The following NAT10 variants were observed in gnomAD, a reference collection of about 807,000 sequenced individuals.
NAT10 encodes N-acetyltransferase 10.
A neutral mutation model predicts 132.2 loss-of-function variants in NAT10; 109 were observed. The ratio of observed to expected loss-of-function variants is 0.82; its 90% CI spans 0.71 to 0.97. The LOEUF (loss-of-function observed/expected upper bound fraction) is 0.97. Among genes scored for constraint, NAT10 ranks in the 50% least tolerant of loss-of-function variants. The pLI, the probability that NAT10 is intolerant of heterozygous loss-of-function variation, is 0.00. For synonymous variants in NAT10, 479 were observed against 478.0 expected (o/e 1.00, Z -0.03); for missense variants, 1,184 against 1,263.4 (o/e 0.94, Z 0.95).
At chr11:34,145,371 T>C (rs1852420937) in intron 28 of NAT10, among the ~76,000 whole-genome samples, 1 of 152,214 alleles carries the variant, frequency 6.6e-6, no homozygotes, top group African/African-American at 2.4e-5. Flanking sequence ...TTTTCTTCCT[T>C]TGAGAGGTAC....
intron 15 of NAT10, among the ~76,000 whole-genome samples, chr11:34,132,784 T>G (rs2982618): frequency 1 from 152,306 of 152,312 alleles, 76,150 homozygotes; most frequent in Non-Finnish European, 1. Flanking sequence ...ATTCTCTTCT[T>G]CTGTCCAGCC....
chr11:34,141,408 TCACACA>T (rs59489457), intron 25 of NAT10, among the ~76,000 whole-genome samples, 200 bp downstream of exon 25: 28,666 of 132,734 alleles, frequency 0.22, 3,341 homozygotes, highest in Middle Eastern at 0.32. Context: ...TCATCACACA[TCACACA>T]CACACACACA....
At chr11:34,117,159 C>G (rs888114223) in intron 6 of NAT10, among the ~76,000 whole-genome samples, 1 of 151,328 alleles carries the variant, frequency 6.6e-6, no homozygotes, top group African/African-American at 2.4e-5. Flanking sequence ...AAAAGTCTTG[C>G]AGCAGCAGGG....
In NAT10 at chr11:34,142,357, T is replaced by C; in HGVS notation, c.2885+9T>C. The C allele has an allele frequency of 6.2e-7, 1 of 1,613,582 alleles. No individual in the cohort carries two copies. Among genetic ancestry groups the C allele is most frequent in the Non-Finnish European group, 8.5e-7 (1 of 1,179,562 alleles). On this transcript the variant is annotated intron_variant, in intron 27 of 28. Transcript: ENST00000257829. ...AGCATGGACCTCTCTGAGTAAGGCT[T>C]GTGGGAAGCAGAGGGTTTGCCTTGG...
Position 34,136,770 on chromosome 11 carries a change from C to T in NAT10, c.2157C>T (p.Leu719=), listed in dbSNP as rs567861406. The part of the protein sequence containing the change: ...LGVSYGLTPR[L]LKFWKRAGFV... ...TTTCCTATGGCTTGACCCCCAGGCT[C>T]CTCAAGTAAGTGCCTGCCCTCCTTC... Residue 719 remains leucine (L), a synonymous_variant, in exon 20 of 29, where the codon CTC becomes CTT. Coordinates refer to ENST00000257829, the MANE Select transcript of NAT10 (RefSeq NM_024662.3). 1.8e-5 allele frequency: 29 copies of T among 1,614,168 alleles called. No individual in the cohort carries two copies. In the East Asian group the frequency reaches 6.0e-4, roughly 33 times the overall value.
intron 21 of NAT10, 60 bp from the exon 22 acceptor site, chr11:34,139,131 A>G (rs769300054): frequency 4.2e-5 from 60 of 1,443,312 alleles, no homozygotes; most frequent in Admixed American, 2.2e-4. Flanking sequence ...CCCTTCATCA[A>G]TGATGGGTTA....
chr11:34,146,205 C>CG lies in NAT10; in HGVS notation c.*16dup, dbSNP rs1465333047. ...GCGGAAGAAATAGTGAAGAGAAACT[C>CG]GGGCATCTGTGTTTGATCATGGGAA... On this transcript the variant is annotated 3_prime_UTR_variant, in exon 29 of 29. Coordinates refer to ENST00000257829, the MANE Select transcript of NAT10 (RefSeq NM_024662.3). 6.4e-7 allele frequency: 1 copy of CG among 1,555,968 alleles called. No homozygotes were observed. Among genetic ancestry groups the CG allele is most frequent in the African/African-American group, 1.4e-5 (1 of 73,230 alleles).
At chr11:34,115,146 A>G (rs1259652725) in intron 5 of NAT10, among the ~76,000 whole-genome samples, 3 of 152,294 alleles carry the variant, frequency 2.0e-5, no homozygotes, top group Middle Eastern at 3.4e-3. Context: ...ACAGAGCAAG[A>G]CTCCGTCTCA....
intron 4 of NAT10, among the ~76,000 whole-genome samples, chr11:34,112,482 T>C (rs979554860): frequency 6.6e-6 from 1 of 152,274 alleles, no homozygotes; most frequent in African/African-American, 2.4e-5. Context: ...GGGTTCTAAC[T>C]AGCTAAAGCT....
intron 25 of NAT10, among the ~76,000 whole-genome samples, chr11:34,141,414 A>T (rs780163388): frequency 0.2 from 19,464 of 97,744 alleles, 1,475 homozygotes; most frequent in Non-Finnish European, 0.28. Flanking sequence ...CACATCACAC[A>T]CACACACACA....
chr11:34,134,952 G>T (rs1242889245), intron 18 of NAT10, among the ~76,000 whole-genome samples: 1 of 152,196 alleles, frequency 6.6e-6, no homozygotes, highest in South Asian at 2.1e-4. Context: ...CCCTCAAGTG[G>T]CTGTTCTTGA....
intron 6 of NAT10, among the ~76,000 whole-genome samples, 181 bp downstream of exon 6, chr11:34,116,065 A>G (rs944038692): frequency 6.6e-6 from 1 of 152,200 alleles, no homozygotes; most frequent in Non-Finnish European, 1.5e-5. Context: ...ACGTGGTGGA[A>G]AGTTGGAGCC....
Position 34,133,041 on chromosome 11 carries a change from C to T in NAT10, c.1633C>T (p.Leu545Phe). The T allele has an allele frequency of 6.2e-7, 1 of 1,614,062 alleles. No individual in the cohort carries two copies. The highest frequency in any genetic ancestry group is 1.3e-5 in the African/African-American group (1 of 75,050). The change falls in exon 16 of 29, where the codon CTC (leucine) becomes TTC (phenylalanine). Residue 545 changes from leucine (L) to phenylalanine (F), a missense_variant. Coordinates refer to ENST00000257829, the MANE Select transcript of NAT10 (RefSeq NM_024662.3). ...ASHYKNSPND[L>F]QMLSDAPAHH... ...GCTTCCACAGAACTCTCCCAATGAT[C>T]TCCAGATGCTCTCCGATGCACCTGC...
intron 12 of NAT10, 77 bp downstream of exon 12, chr11:34,127,676 T>A: frequency 6.6e-7 from 1 of 1,521,286 alleles, no homozygotes; most frequent in African/African-American, 1.4e-5. Context: ...GGATGTGGCC[T>A]GGGCCTGGAC....
intron 20 of NAT10, 48 bp downstream of exon 20, chr11:34,136,823 A>AC (rs1391107545): frequency 1.9e-6 from 3 of 1,613,622 alleles, no homozygotes; most frequent in East Asian, 4.5e-5. Flanking sequence ...GCATTGAGAA[A>AC]GAAGAGTTCT....
intron 12 of NAT10, among the ~76,000 whole-genome samples, chr11:34,130,198 A>G (rs1406218491): frequency 2.6e-5 from 4 of 152,216 alleles, no homozygotes; most frequent in East Asian, 3.8e-4. Flanking sequence ...AAACTCAACA[A>G]TGAAAGCTGA....
chr11:34,134,861 C>T, intron 18 of NAT10, among the ~76,000 whole-genome samples: 1 of 152,208 alleles, frequency 6.6e-6, no homozygotes, highest in East Asian at 1.9e-4. Context: ...GCTGTAGAAA[C>T]TTCCTTTTCA....
chr11:34,114,076 A>G (rs1032134430), intron 5 of NAT10, among the ~76,000 whole-genome samples: 15 of 152,204 alleles, frequency 9.9e-5, no homozygotes, highest in African/African-American at 3.4e-4. Flanking sequence ...TGCAAATTCT[A>G]CACCAGTGAG....
intron 3 of NAT10, among the ~76,000 whole-genome samples, chr11:34,111,429 A>G (rs2134153434): frequency 6.6e-6 from 1 of 152,330 alleles, no homozygotes; most frequent in East Asian, 1.9e-4. Context: ...AGAACATTCT[A>G]ATTCTCTCTT....
Sources: allele counts gnomAD v4.1 joint callset (sites outside exome capture counted in the v4.1 genomes callset), GRCh38; gene constraint gnomAD v4.1.1; transcripts MANE v1.5; gene names NCBI Gene and HGNC (gene_info 2026-07-23, HGNC 2026-07-21).